The following GRIP1 variants were observed in gnomAD, a reference collection of about 807,000 sequenced individuals.
GRIP1 encodes the protein glutamate receptor-interacting protein 1.
A neutral mutation model predicts 129.9 loss-of-function variants in GRIP1; 45 were observed. The ratio of observed to expected loss-of-function variants is 0.35; its 90% CI spans 0.27 to 0.44. GRIP1 has a LOEUF of 0.44. Among genes scored for constraint, GRIP1 ranks in the 20% least tolerant of loss-of-function variants. GRIP1 has a pLI of 1.00. For synonymous variants in GRIP1, 530 were observed against 520.8 expected, an observed-to-expected ratio of 1.02 and a Z score of -0.24; for missense variants, 1,196 against 1,396.8, an observed-to-expected ratio of 0.86 and a Z score of 2.29.
chr12:66,693,017 T>C (rs1039917045), intron 1 of GRIP1, among the ~76,000 whole-genome samples: 3 of 152,182 alleles, frequency 2.0e-5, no homozygotes, highest in African/African-American at 7.2e-5. Flanking sequence ...GAGTTATGAA[T>C]AAAGTGTTTA....
intron 15 of GRIP1, among the ~76,000 whole-genome samples, chr12:66,412,591 C>T (rs1411500958): frequency 6.6e-6 from 1 of 152,094 alleles, no homozygotes; most frequent in Non-Finnish European, 1.5e-5. Flanking sequence ...GCAAAATAAC[C>T]AACTAGCATC....
At chr12:66,654,278 A>G (rs2032998903) in intron 1 of GRIP1, among the ~76,000 whole-genome samples, 2 of 152,238 alleles carry the variant, frequency 1.3e-5, no homozygotes, top group Admixed American at 6.5e-5. Context: ...ACTATTCAAG[A>G]TGAACTTGCA....
chr12:66,427,859 C>A (rs938822837), intron 14 of GRIP1, among the ~76,000 whole-genome samples: 3 of 152,158 alleles, frequency 2.0e-5, no homozygotes, highest in Non-Finnish European at 4.4e-5. Flanking sequence ...AAAAAAAATT[C>A]TCTGAATCCA....
At chr12:66,838,707 T>A (rs1592893011) in intron 1 of GRIP1, among the ~76,000 whole-genome samples, 1 of 151,954 alleles carries the variant, frequency 6.6e-6, no homozygotes, top group Non-Finnish European at 1.5e-5. Context: ...TAAAAATAGG[T>A]GAGTTGATTC....
At chr12:66,391,328 A>G (rs2056577671) in intron 19 of GRIP1, among the ~76,000 whole-genome samples, 1 of 152,250 alleles carries the variant, frequency 6.6e-6, no homozygotes, top group Non-Finnish European at 1.5e-5. Context: ...GAGAAATACC[A>G]AGAAGTTTTG....
intron 7 of GRIP1, among the ~76,000 whole-genome samples, chr12:66,476,157 G>C (rs1391450888): frequency 1.3e-5 from 2 of 151,992 alleles, no homozygotes; most frequent in East Asian, 3.9e-4. Context: ...GAATCAAATA[G>C]ATGCAATAAA....
At chr12:66,818,035 T>G (rs2039254872) in intron 1 of GRIP1, among the ~76,000 whole-genome samples, 1 of 152,220 alleles carries the variant, frequency 6.6e-6, no homozygotes, top group Non-Finnish European at 1.5e-5. Flanking sequence ...TTTGATACTA[T>G]ACCAGGATTC....
intron 2 of GRIP1, among the ~76,000 whole-genome samples, chr12:66,550,216 C>A (rs971168036): frequency 6.6e-6 from 1 of 152,078 alleles, no homozygotes; most frequent in African/African-American, 2.4e-5. Flanking sequence ...TCTTAGTTTC[C>A]TCACATCTAA....
chr12:66,441,132 T>C (rs1365265833), intron 13 of GRIP1, among the ~76,000 whole-genome samples: 2 of 152,258 alleles, frequency 1.3e-5, no homozygotes, highest in Non-Finnish European at 2.9e-5. Context: ...ATTCATACTA[T>C]GGCAATGTCT....
chr12:66,531,252 AATATATATAT>A lies in GRIP1; in HGVS notation c.419-1348_419-1339del, dbSNP rs71069009. Among the ~76,000 whole-genome samples, 117 of 19,398 alleles carry A rather than the reference AATATATATAT, an allele frequency of 6.0e-3. 1 individual carries two copies. In the East Asian group the frequency reaches 0.087, roughly 14 times the overall value. The allele number at this position is 19,398 out of a possible 152,430, so 12.7% of individuals were successfully genotyped here. A position where few individuals can be genotyped will look rare whatever the true frequency, so the allele number is the denominator to read the frequency against. On this transcript the variant is annotated intron_variant, in intron 4 of 24. Transcript: ENST00000359742. ...CTCTGTCTCAAAAAAAAAAAAAAAA[AATATATATAT>A]ATATATATATATATATATATATATA...
Position 66,911,655 on chromosome 12 carries a change from T to C in GRIP1, c.58+157395A>G, listed in dbSNP as rs529174223. Among the ~76,000 whole-genome samples the C allele has an allele frequency of 1.2e-3, 187 of 152,292 alleles. 2 individuals carry two copies. The highest frequency in any genetic ancestry group is 4.3e-3 in the African/African-American group (179 of 41,560). On this transcript the variant is annotated intron_variant, in intron 1 of 1. Transcript: ENST00000643019. ...CAAGAAAATAGTATGTAGATGAAAT[T>C]GGATATAATAAAATATAACCACAGA... is the stretch of plus-strand genomic sequence containing the variant.
chr12:67,063,606 T>C (rs1171474809), intron 1 of GRIP1, among the ~76,000 whole-genome samples: 1 of 152,230 alleles, frequency 6.6e-6, no homozygotes, highest in Non-Finnish European at 1.5e-5. Context: ...TTTATTACTA[T>C]CATTCTTGTA....
chr12:66,620,776 C>G (rs1007314542), intron 1 of GRIP1, among the ~76,000 whole-genome samples: 4 of 151,946 alleles, frequency 2.6e-5, no homozygotes, highest in African/African-American at 7.3e-5. Context: ...CCTCACCCCC[C>G]CAACCCCTCC....
intron 19 of GRIP1, among the ~76,000 whole-genome samples, chr12:66,384,211 G>C (rs1235328796): frequency 6.6e-6 from 1 of 152,002 alleles, no homozygotes; most frequent in African/African-American, 2.4e-5. Context: ...TAAATGTCTA[G>C]ACTTGGGTTG....
chr12:66,668,684 G>T (rs900241732), intron 1 of GRIP1, among the ~76,000 whole-genome samples: 1 of 152,186 alleles, frequency 6.6e-6, no homozygotes, highest in Non-Finnish European at 1.5e-5. Context: ...CACCTTGGGA[G>T]GCCAAGATGA....
rs531503428 is a variant in GRIP1, at chr12:66,721,129, T to G, written c.-420+82924A>C. On this transcript the variant is annotated intron_variant, in intron 1 of 4. Transcript: ENST00000538373. ...AAAACAACATTCATCTCCTTGTATA[T>G]TTCCAATCAGAGCTCTTGCATCACG... Among the ~76,000 whole-genome samples, 4 of 152,322 alleles carry G rather than the reference T, an allele frequency of 2.6e-5. 1 individual carries two copies. Among genetic ancestry groups the G allele is most frequent in the Admixed American group, 1.3e-4 (2 of 15,298 alleles).
intron 1 of GRIP1, among the ~76,000 whole-genome samples, chr12:66,776,127 C>A (rs1012730554): frequency 2.6e-5 from 4 of 152,198 alleles, no homozygotes; most frequent in African/African-American, 9.6e-5. Flanking sequence ...GGCCTAATGA[C>A]CTCAGCAGCC....
upstream of GRIP1, among the ~76,000 whole-genome samples, chr12:66,680,817 C>T (rs2034555916): frequency 6.6e-6 from 1 of 152,142 alleles, no homozygotes; most frequent in South Asian, 2.1e-4. Context: ...GCCTGTGGAA[C>T]ACCACCACCC....
intron 11 of GRIP1, among the ~76,000 whole-genome samples, chr12:66,446,432 T>C (rs2058631833): frequency 6.6e-6 from 1 of 152,086 alleles, no homozygotes; most frequent in African/African-American, 2.4e-5. Flanking sequence ...TAAAACCTGA[T>C]AACACCATAT....
Sources: gnomAD v4.1 joint callset for allele counts (sites outside exome capture counted in the v4.1 genomes callset) on GRCh38, gnomAD v4.1.1 for gene constraint, MANE v1.5 for transcripts, NCBI Gene and HGNC (gene_info 2026-07-23, HGNC 2026-07-21) for gene names.